MACROD2: variants seen among roughly 807,000 people sequenced by gnomAD.
MACROD2 encodes ADP-ribose glycohydrolase MACROD2.
Under a neutral mutation model 70.4 loss-of-function variants are expected in MACROD2, and 36 were observed. That is an observed-to-expected ratio of 0.51 (90% CI 0.39 to 0.68). The LOEUF is 0.68. Among genes scored for constraint, MACROD2 ranks in the 30% least tolerant of loss-of-function variants. The pLI is 0.00. For missense variants in MACROD2, 496 were observed against 538.4 expected, an observed-to-expected ratio of 0.92 and a Z score of 0.78; for synonymous variants, 172 against 178.8, an observed-to-expected ratio of 0.96 and a Z score of 0.30.
chr20:15,581,559 C>T (rs2048524187), intron 8 of MACROD2, among the ~76,000 whole-genome samples: 1 of 152,178 alleles, frequency 6.6e-6, no homozygotes, highest in Non-Finnish European at 1.5e-5. Context: ...GAAAAGAGGT[C>T]TCTAAGGCGT....
chr20:14,225,689 A>T (rs1601370310), intron 3 of MACROD2, among the ~76,000 whole-genome samples: 1 of 152,232 alleles, frequency 6.6e-6, no homozygotes, highest in Admixed American at 6.5e-5. Context: ...ACCAATCTAT[A>T]TTTCAAAATA....
chr20:15,743,821 C>T (rs1568536403), intron 8 of MACROD2, among the ~76,000 whole-genome samples: 1 of 152,168 alleles, frequency 6.6e-6, no homozygotes, highest in Non-Finnish European at 1.5e-5. Flanking sequence ...ACTCTTCTTT[C>T]TCTTTCTCAT....
chr20:15,133,341 ACAAC>A (rs1568591855), intron 5 of MACROD2, among the ~76,000 whole-genome samples: 1 of 152,124 alleles, frequency 6.6e-6, no homozygotes, highest in Non-Finnish European at 1.5e-5. Flanking sequence ...ATAGACAAAA[ACAAC>A]CAACCTCCTA....
intron 5 of MACROD2, among the ~76,000 whole-genome samples, chr20:15,005,760 C>G (rs1382302981): frequency 6.6e-6 from 1 of 152,120 alleles, no homozygotes; most frequent in African/African-American, 2.4e-5. Flanking sequence ...AATTTTTGCT[C>G]TGCCTCAAAC....
rs2075973242 is a variant in MACROD2 at position 15,113,793 on chromosome 20, TG to T, written c.419-116146del. On this transcript the variant is annotated intron_variant, in intron 5 of 17. Coordinates refer to ENST00000684519, the MANE Select transcript of MACROD2 (RefSeq NM_001351661.2). ...GTGTGTGTGTGTGTGTGTGTGTGTGTGTGTGTGCTGGAGGGGTTTTTCAGCT... is the reference window on the plus strand; with the variant it reads ...GTGTGTGTGTGTGTGTGTGTGTGTGTTGTGTGCTGGAGGGGTTTTTCAGCT... 1.3e-4 allele frequency among the ~76,000 whole-genome samples: 19 copies of T among 143,292 alleles called. 1 individual carries two copies. In the South Asian group the frequency reaches 4.1e-3, roughly 31 times the overall value. The allele number at this position is 143,292 out of a possible 152,430, so 94.0% of individuals were successfully genotyped here.
Position 14,326,716 on chromosome 20 carries a change from G to T in MACROD2, c.272-166763G>T, listed in dbSNP as rs779566098. On this transcript the variant is annotated intron_variant, in intron 3 of 17. Coordinates refer to ENST00000684519, the MANE Select transcript of MACROD2 (RefSeq NM_001351661.2). The surrounding 1 kb of genome is among the most constrained non-coding windows in gnomAD (Gnocchi z 5.5). The stretch of plus-strand genomic sequence containing the variant: ...CTGCCTTAGATAAGAAAAAGCATTT[G>T]GGGGCACCCGATTGATGTGGTTATC... The T allele has an allele frequency of 6.2e-7, 1 of 1,613,614 alleles. No homozygotes were observed. The highest frequency in any genetic ancestry group is 1.3e-5 in the African/African-American group (1 of 74,886).
intron 5 of MACROD2, among the ~76,000 whole-genome samples, chr20:15,190,733 G>C (rs1029431398): frequency 2.6e-5 from 4 of 152,176 alleles, no homozygotes; most frequent in African/African-American, 9.7e-5. Flanking sequence ...AGGGGAAAGG[G>C]TGCACAGGAG....
At chr20:14,235,094 G>A (rs959087137) in intron 3 of MACROD2, among the ~76,000 whole-genome samples, 4 of 152,010 alleles carry the variant, frequency 2.6e-5, no homozygotes, top group African/African-American at 9.7e-5. Context: ...TCTAAACAGA[G>A]GAGTCATATT....
chr20:15,961,381 GA>G (rs1004671528), intron 12 of MACROD2, among the ~76,000 whole-genome samples: 3 of 151,548 alleles, frequency 2.0e-5, no homozygotes, highest in Non-Finnish European at 4.4e-5. Context: ...TTTACATTTG[GA>G]AAAAAAACCC....
intron 8 of MACROD2, among the ~76,000 whole-genome samples, chr20:15,674,754 T>TTGTGTG (rs3071296): frequency 2.2e-4 from 32 of 148,708 alleles, no homozygotes; most frequent in Admixed American, 7.4e-4. Flanking sequence ...TGTGTGTGTG[T>TTGTGTG]TGTGTGTGTG....
chr20:15,192,802 A>T, intron 5 of MACROD2, among the ~76,000 whole-genome samples: 1 of 152,226 alleles, frequency 6.6e-6, no homozygotes, highest in East Asian at 1.9e-4. Flanking sequence ...GTTCTAGGAG[A>T]GAACTATAGT....
chr20:15,804,172 A>G (rs766483628), intron 8 of MACROD2, among the ~76,000 whole-genome samples: 4 of 152,194 alleles, frequency 2.6e-5, no homozygotes, highest in African/African-American at 7.2e-5. Context: ...GGCCCTACTT[A>G]TAAACTTCTT....
chr20:15,410,653 T>TCACACA (rs11471470), intron 6 of MACROD2, among the ~76,000 whole-genome samples: 6 of 150,634 alleles, frequency 4.0e-5, no homozygotes, highest in African/African-American at 9.8e-5. Flanking sequence ...CTGAATTCTG[T>TCACACA]CACACACACA....
At chr20:14,560,956 T>C (rs1457657666) in intron 4 of MACROD2, among the ~76,000 whole-genome samples, 1 of 151,900 alleles carries the variant, frequency 6.6e-6, no homozygotes, top group Non-Finnish European at 1.5e-5. Context: ...CATGAAATAA[T>C]GTTTGATTTA....
chr20:14,243,031 G>A (rs1343572409), intron 3 of MACROD2, among the ~76,000 whole-genome samples: 1 of 152,086 alleles, frequency 6.6e-6, no homozygotes, highest in Non-Finnish European at 1.5e-5. Context: ...CAAATACAGT[G>A]CATTGGCCTT....
intron 5 of MACROD2, among the ~76,000 whole-genome samples, chr20:15,085,885 CACA>C (rs1202269736): frequency 6.6e-6 from 1 of 150,666 alleles, no homozygotes; most frequent in Admixed American, 6.6e-5. Flanking sequence ...CACACACACA[CACA>C]CACACACACA....
intron 3 of MACROD2, among the ~76,000 whole-genome samples, chr20:14,179,453 C>T (rs2081289693): frequency 6.6e-6 from 1 of 152,072 alleles, no homozygotes; most frequent in Non-Finnish European, 1.5e-5. Context: ...TTCAACTATT[C>T]TTCATTTTCA....
At chr20:15,807,468 C>T (rs776751085) in intron 8 of MACROD2, among the ~76,000 whole-genome samples, 11 of 152,210 alleles carry the variant, frequency 7.2e-5, no homozygotes, top group Admixed American at 1.3e-4. Context: ...TTAGAAGATT[C>T]GAGTTGAAGA....
Position 15,967,628 on chromosome 20 carries a change from A to C in MACROD2, c.983A>C (p.Asp328Ala), listed in dbSNP as rs760947583. 1 of 1,534,644 alleles carries C rather than the reference A, an allele frequency of 6.5e-7. No homozygotes were observed. Among genetic ancestry groups the C allele is most frequent in the South Asian group, 1.2e-5 (1 of 86,484 alleles). ...DHSVRDQDHP[D>A]GQENDSTKNE... ...TCTGTGCGTGACCAAGATCATCCCG[A>C]TGGTAGGTTGTGAAATCCTTTATTA... Residue 328 changes from aspartate (D) to alanine (A), a missense_variant and splice_region_variant, in exon 13 of 18, where the codon GAT becomes GCT. Transcript: ENST00000684519.
Sources: gnomAD v4.1 joint callset for allele counts (sites outside exome capture counted in the v4.1 genomes callset) on GRCh38, gnomAD v4.1.1 for gene constraint, Gnocchi (gnomAD v3.1) non-coding constraint, MANE v1.5 for transcripts, NCBI Gene and HGNC (gene_info 2026-07-23, HGNC 2026-07-21) for gene names.